The following FOXJ3 variants were observed in gnomAD, a reference collection of about 807,000 sequenced individuals.
FOXJ3 encodes the protein forkhead box J3, also known as forkhead box protein J3.
In FOXJ3, 22 loss-of-function variants were observed where a neutral mutation model predicts 76.1. That is an observed-to-expected ratio of 0.29 (90% confidence interval 0.21 to 0.41). The LOEUF (loss-of-function observed/expected upper bound fraction) is 0.41, where lower values mean the gene tolerates loss of function less well. Among genes scored for constraint, FOXJ3 ranks in the 10% least tolerant of loss-of-function variants. The pLI is 1.00. For missense variants in FOXJ3, 613 were observed against 762.1 expected (o/e 0.80, Z 2.30); for synonymous variants, 269 against 261.2 (o/e 1.03, Z -0.29).
intron 2 of FOXJ3, among the ~76,000 whole-genome samples, chr1:42,296,596 T>C (rs909485089): frequency 6.6e-6 from 1 of 152,236 alleles, no homozygotes; most frequent in Non-Finnish European, 1.5e-5. Context: ...TCATCAACTT[T>C]GTCAAAGATC....
At chr1:42,248,926 C>T (rs1649786422) in intron 4 of FOXJ3, among the ~76,000 whole-genome samples, 1 of 151,862 alleles carries the variant, frequency 6.6e-6, no homozygotes, top group African/African-American at 2.4e-5. Context: ...CCAATAGGCC[C>T]CGGTGTGTGT....
rs142304468 is a variant in FOXJ3 at position 42,318,176 on chromosome 1, T to A, written c.-17-7066A>T. 4.6e-5 allele frequency among the ~76,000 whole-genome samples: 7 copies of A among 152,266 alleles called. No individual in the cohort carries two copies. The East Asian group carries it at 1.4e-3, about 29-fold the overall frequency. ...ACCAATCTGCAGTTAGAAGACCAAG[T>A]TAGGTATCCAGAATATACAAACAAC... On this transcript the variant is annotated intron_variant, in intron 1 of 12. Transcript: ENST00000361346.
rs561994813 is a variant in FOXJ3 at position 42,281,281 on chromosome 1, A to C, written c.45-2609T>G. Reference sequence around the variant, plus strand: ...CCAATAAAGAAGTTCAGACACAACAAAGAACTGAATAAAAGTACACAGCTG... The same window carrying C: ...CCAATAAAGAAGTTCAGACACAACACAGAACTGAATAAAAGTACACAGCTG... On this transcript the variant is annotated intron_variant, in intron 2 of 12. Transcript: ENST00000361346. 9.6e-4 allele frequency among the ~76,000 whole-genome samples: 146 copies of C among 152,304 alleles called. 2 individuals are homozygous for C. In the South Asian group the frequency reaches 0.028, roughly 29 times the overall value.
intron 3 of FOXJ3, among the ~76,000 whole-genome samples, chr1:42,265,605 T>C (rs1403184795): frequency 6.6e-6 from 1 of 152,194 alleles, no homozygotes; most frequent in Non-Finnish European, 1.5e-5. Flanking sequence ...AAGAAGTTAC[T>C]CTACATGAAA....
rs75273726 is a variant in FOXJ3 at position 42,283,739 on chromosome 1, T to C, written c.45-5067A>G. Among the ~76,000 whole-genome samples the C allele has an allele frequency of 1.3e-4, 20 of 152,316 alleles. No individual in the cohort carries two copies. The East Asian group carries it at 3.5e-3, about 26-fold the overall frequency. On this transcript the variant is annotated intron_variant, in intron 2 of 12. Coordinates refer to ENST00000361346, the MANE Select transcript of FOXJ3 (RefSeq NM_014947.5). ...TGATTCTTGAATTATTCCGATCTCA[T>C]GCATCTCTTTGGGTCAATATGTGCT...
chr1:42,221,594 T>C (rs374619510), intron 5 of FOXJ3, among the ~76,000 whole-genome samples: 2 of 151,930 alleles, frequency 1.3e-5, no homozygotes, highest in African/African-American at 4.8e-5. Context: ...TAGCTGGGAC[T>C]AGAGGCAGGT....
At chr1:42,187,327 G>A (rs144348135) in intron 11 of FOXJ3, among the ~76,000 whole-genome samples, 1 of 152,332 alleles carries the variant, frequency 6.6e-6, no homozygotes, top group Non-Finnish European at 1.5e-5. Context: ...GATGGAGTTA[G>A]CAAAGAAGTG....
At chr1:42,330,988 G>A (rs191263876) in intron 1 of FOXJ3, among the ~76,000 whole-genome samples, 70 of 152,252 alleles carry the variant, frequency 4.6e-4, no homozygotes, top group Non-Finnish European at 8.5e-4. Context: ...TATCCCCAAT[G>A]CTTAGCAAAA....
intron 4 of FOXJ3, among the ~76,000 whole-genome samples, chr1:42,257,325 C>G (rs1650671337): frequency 6.6e-6 from 1 of 152,138 alleles, no homozygotes; most frequent in Non-Finnish European, 1.5e-5. Context: ...TGGAACCCAA[C>G]TGAAAACCAG....
At chr1:42,266,210 T>C (rs879610670) in intron 3 of FOXJ3, among the ~76,000 whole-genome samples, 13 of 152,056 alleles carry the variant, frequency 8.5e-5, no homozygotes, top group Non-Finnish European at 1.3e-4. Context: ...AGGCACAATA[T>C]TGGAATTTTA....
intron 11 of FOXJ3, among the ~76,000 whole-genome samples, chr1:42,185,354 T>C (rs1646414140): frequency 6.7e-6 from 1 of 149,382 alleles, no homozygotes; most frequent in Non-Finnish European, 1.5e-5. Flanking sequence ...GCCTCCCTGG[T>C]TCATGCCATT....
At chr1:42,212,480 T>C (rs552564850) in intron 5 of FOXJ3, among the ~76,000 whole-genome samples, 1 of 151,588 alleles carries the variant, frequency 6.6e-6, no homozygotes, top group Non-Finnish European at 1.5e-5. Context: ...TAGAAAAAAA[T>C]AATTTCAGAG....
intron 3 of FOXJ3, among the ~76,000 whole-genome samples, chr1:42,275,369 T>C (rs1312553271): frequency 6.6e-6 from 1 of 152,214 alleles, no homozygotes; most frequent in African/African-American, 2.4e-5. Context: ...AGCACACGAC[T>C]TGTTAATTCC....
intron 5 of FOXJ3, among the ~76,000 whole-genome samples, chr1:42,211,445 G>A (rs1338552457): frequency 4.6e-5 from 7 of 152,004 alleles, no homozygotes; most frequent in African/African-American, 1.7e-4. Context: ...GACAGCTTTG[G>A]TGGTTTCCTT....
intron 2 of FOXJ3, among the ~76,000 whole-genome samples, chr1:42,295,254 T>C (rs1653707880): frequency 6.6e-6 from 1 of 152,110 alleles, no homozygotes; most frequent in Admixed American, 6.5e-5. Flanking sequence ...ATTATTTCCA[T>C]CTTTATGTAC....
chr1:42,195,799 T>C (rs563978975), intron 7 of FOXJ3, among the ~76,000 whole-genome samples: 19 of 152,346 alleles, frequency 1.2e-4, no homozygotes, highest in African/African-American at 4.3e-4. Flanking sequence ...AATTTTTACA[T>C]AGGAAAATGG....
Position 42,177,279 on chromosome 1 carries a change from T to C in FOXJ3, c.*2431A>G, listed in dbSNP as rs1646232358. The C allele has an allele frequency of 1.3e-5, 2 of 152,654 alleles. No homozygotes were observed. Among genetic ancestry groups the C allele is most frequent in the South Asian group, 4.1e-4 (2 of 4,824 alleles). The allele number at this position is 152,654 out of a possible 1,614,324, so 9.5% of individuals were successfully genotyped here. A position where few individuals can be genotyped will look rare whatever the true frequency, so the allele number is the denominator to read the frequency against. On this transcript the variant is annotated 3_prime_UTR_variant, in exon 13 of 13. Transcript: ENST00000361346. ...CTAAGTTTAAATTCTCATAAAAATATTCATCACTGCAAATCAGTAAATGAT... is the reference window on the plus strand; with the variant it reads ...CTAAGTTTAAATTCTCATAAAAATACTCATCACTGCAAATCAGTAAATGAT...
chr1:42,193,293 C>G (rs1646585609), intron 8 of FOXJ3, among the ~76,000 whole-genome samples: 1 of 151,962 alleles, frequency 6.6e-6, no homozygotes, highest in South Asian at 2.1e-4. Flanking sequence ...CTAATCCAAC[C>G]CTCTTTATTG....
chr1:42,309,160 T>G (rs894728354), intron 2 of FOXJ3, among the ~76,000 whole-genome samples: 1 of 152,154 alleles, frequency 6.6e-6, no homozygotes, highest in Admixed American at 6.5e-5. Context: ...AGCCTAAGGA[T>G]TCCCTGACTT....
Sources: gnomAD v4.1 joint callset for allele counts (sites outside exome capture counted in the v4.1 genomes callset) on GRCh38, gnomAD v4.1.1 for gene constraint, MANE v1.5 for transcripts, NCBI Gene and HGNC (gene_info 2026-07-23, HGNC 2026-07-21) for gene names.